GNS: variants seen among roughly 807,000 people sequenced by gnomAD.
The protein encoded by GNS is N-acetylglucosamine-6-sulfatase.
In GNS, 40 loss-of-function variants were observed where a neutral mutation model predicts 69.7. The observed-to-expected ratio is 0.57, with a 90% CI of 0.45 to 0.75. The LOEUF (loss-of-function observed/expected upper bound fraction) is 0.75, where lower values mean the gene tolerates loss of function less well. Among genes scored for constraint, GNS ranks in the 30% least tolerant of loss-of-function variants. The probability of loss-of-function intolerance (pLI) is 0.00; values close to 1 mark genes in which losing one functional copy is unlikely to be tolerated. For synonymous variants in GNS, 243 were observed against 251.6 expected (o/e 0.97, Z 0.32); for missense variants, 565 against 685.5 (o/e 0.82, Z 1.96).
chr12:64,723,197 TG>T lies in GNS; in HGVS notation c.1201-85del, dbSNP rs1374276248. 1.3e-5 allele frequency: 11 copies of T among 859,070 alleles called. 1 individual carries two copies. The East Asian group carries it at 2.2e-4, about 17-fold the overall frequency. The allele number at this position is 859,070 out of a possible 1,614,324, so 53.2% of individuals were successfully genotyped here. A position where few individuals can be genotyped will look rare whatever the true frequency, so the allele number is the denominator to read the frequency against. On this transcript the variant is annotated intron_variant, in intron 10 of 13. Coordinates refer to ENST00000258145, the MANE Select transcript of GNS (RefSeq NM_002076.4). ...AAGTAATTGACTGCTAAAGGGGACCTGGGAGTCAAAAGTAATTGGACTGTTC... is the reference window on the plus strand; with the variant it reads ...AAGTAATTGACTGCTAAAGGGGACCTGGAGTCAAAAGTAATTGGACTGTTC...
At chr12:64,758,613 G>A (rs1870353697) in intron 1 of GNS, among the ~76,000 whole-genome samples, 1 of 152,072 alleles carries the variant, frequency 6.6e-6, no homozygotes, top group Admixed American at 6.5e-5. Context: ...GTGACACACC[G>A]CGCCCGGCCC....
chr12:64,728,689 A>G (rs1327702880), intron 10 of GNS, among the ~76,000 whole-genome samples: 1 of 152,162 alleles, frequency 6.6e-6, no homozygotes, highest in Non-Finnish European at 1.5e-5. Context: ...ATTTGGACTA[A>G]TGACTCTTTT....
chr12:64,718,371 T>C (rs1423101245), intron 13 of GNS, among the ~76,000 whole-genome samples: 2 of 152,252 alleles, frequency 1.3e-5, no homozygotes, highest in African/African-American at 2.4e-5. Flanking sequence ...GCTTCTAAAA[T>C]GTGAGGAAGA....
At chr12:64,741,300 A>G (rs926794601) in intron 6 of GNS, among the ~76,000 whole-genome samples, 2 of 151,708 alleles carry the variant, frequency 1.3e-5, no homozygotes, top group African/African-American at 2.4e-5. Flanking sequence ...TTGAGCCGAG[A>G]TCGCACTACT....
intron 1 of GNS, 124 bp downstream of exon 1, chr12:64,758,961 C>T (rs964123768): frequency 5.8e-6 from 5 of 855,854 alleles, no homozygotes; most frequent in Non-Finnish European, 9.7e-6. Flanking sequence ...GGTGGGAAAA[C>T]CAAACCTACC....
Position 64,723,171 on chromosome 12 carries a change from A to C in GNS, c.1201-58T>G, listed in dbSNP as rs997482310. On this transcript the variant is annotated intron_variant, in intron 10 of 13. Coordinates refer to ENST00000258145, the MANE Select transcript of GNS (RefSeq NM_002076.4). ...GCACATAGACTATGATAAAGATCACAAAGTAATTGACTGCTAAAGGGGACC... is the reference window on the plus strand; with the variant it reads ...GCACATAGACTATGATAAAGATCACCAAGTAATTGACTGCTAAAGGGGACC... 4 of 1,063,284 alleles carry C rather than the reference A, an allele frequency of 3.8e-6. No individual in the cohort carries two copies. The South Asian group carries it at 5.0e-5, about 13-fold the overall frequency. The allele number at this position is 1,063,284 out of a possible 1,614,324, so 65.9% of individuals were successfully genotyped here. A position where few individuals can be genotyped will look rare whatever the true frequency, so the allele number is the denominator to read the frequency against.
intron 10 of GNS, among the ~76,000 whole-genome samples, chr12:64,726,741 C>T (rs761052704): frequency 1.3e-5 from 2 of 152,104 alleles, no homozygotes; most frequent in Admixed American, 6.5e-5. Context: ...AGAGATCAGC[C>T]TGCCTTAGCC....
intron 1 of GNS, among the ~76,000 whole-genome samples, chr12:64,758,309 C>CT (rs139394351): frequency 0.016 from 1,105 of 67,376 alleles, 140 homozygotes; most frequent in Non-Finnish European, 0.022. Context: ...CACTTCAGGC[C>CT]TTTTTTTTTT....
intron 2 of GNS, among the ~76,000 whole-genome samples, chr12:64,751,978 GA>G (rs1309879602): frequency 7.5e-5 from 11 of 147,572 alleles, no homozygotes; most frequent in African/African-American, 2.5e-4. Flanking sequence ...AAAGAAGAAA[GA>G]AAAGAAAAAA....
chr12:64,742,907 T>C (rs1869791466), intron 6 of GNS, among the ~76,000 whole-genome samples: 2 of 152,174 alleles, frequency 1.3e-5, no homozygotes, highest in Non-Finnish European at 2.9e-5. Flanking sequence ...TTGGGAAAGA[T>C]GGCATTCTTT....
At position 64,732,153 on chromosome 12, in the gene GNS, A is replaced by ATTTTTTTTTTTTTTTTTTTTTTTTTTTTT. The variant is rs1210247666; in HGVS notation, c.1099-3097_1099-3096insAAAAAAAAAAAAAAAAAAAAAAAAAAAAA. Among the ~76,000 whole-genome samples, 2 of 88,722 alleles carry ATTTTTTTTTTTTTTTTTTTTTTTTTTTTT rather than the reference A, an allele frequency of 2.3e-5. 1 individual carries two copies. The allele number at this position is 88,722 out of a possible 152,430, so 58.2% of individuals were successfully genotyped here. ...AGGCACCTGCCACCACACCTGGCTAATTTTTTTTTTTTGTTGTTTTTTTTT... is the reference window on the plus strand; with the variant it reads ...AGGCACCTGCCACCACACCTGGCTAATTTTTTTTTTTTTTTTTTTTTTTTTTTTTTTTTTTTTTTTTGTTGTTTTTTTTT... On this transcript the variant is annotated intron_variant, in intron 9 of 13. Coordinates refer to ENST00000258145, the MANE Select transcript of GNS (RefSeq NM_002076.4).
chr12:64,734,679 T>A (rs1202619153), intron 9 of GNS, among the ~76,000 whole-genome samples: 1 of 152,222 alleles, frequency 6.6e-6, no homozygotes, highest in Non-Finnish European at 1.5e-5. Context: ...CTCAGGACAC[T>A]CTTCCCACAG....
intron 9 of GNS, among the ~76,000 whole-genome samples, chr12:64,731,467 G>A (rs969506223): frequency 1.3e-5 from 2 of 152,162 alleles, no homozygotes; most frequent in African/African-American, 4.8e-5. Context: ...CACAAGTACC[G>A]TAAGCACAAG....
intron 13 of GNS, among the ~76,000 whole-genome samples, chr12:64,719,149 A>G (rs1004146101): frequency 6.6e-6 from 1 of 152,242 alleles, no homozygotes; most frequent in Non-Finnish European, 1.5e-5. Context: ...AAAGCAAACA[A>G]TGAACAGTCT....
At chr12:64,747,973 C>A in intron 2 of GNS, 55 bp from the exon 3 acceptor site, 2 of 935,030 alleles carry the variant, frequency 2.1e-6, no homozygotes, top group South Asian at 2.6e-5. Flanking sequence ...ATGGACTTCT[C>A]ATCATTGTTA....
chr12:64,730,381 C>A (rs990606531), intron 9 of GNS, among the ~76,000 whole-genome samples: 2 of 148,608 alleles, frequency 1.3e-5, no homozygotes, highest in Non-Finnish European at 3.0e-5. Context: ...AAAAACACCC[C>A]AGCCCTGCCA....
At chr12:64,756,705 C>T (rs2620733) in intron 1 of GNS, 886,998 of 1,434,206 alleles carry the variant, frequency 0.62, 281,062 homozygotes, top group African/African-American at 0.91. Context: ...TGCTCTTGTC[C>T]TAGCTCTTCC....
chr12:64,748,778 T>C (rs555267033), intron 2 of GNS, among the ~76,000 whole-genome samples: 1 of 152,192 alleles, frequency 6.6e-6, no homozygotes, highest in African/African-American at 2.4e-5. Flanking sequence ...CACAGAAAGG[T>C]AATACTAGCT....
At chr12:64,733,297 CAAAAAAAAAA>C (rs961321163) in intron 9 of GNS, among the ~76,000 whole-genome samples, 53 of 26,642 alleles carry the variant, frequency 2.0e-3, no homozygotes, top group African/African-American at 5.8e-3. Flanking sequence ...GACCCTGTCT[CAAAAAAAAAA>C]AAAAAAAAAA....
Sources: gnomAD v4.1 joint callset for allele counts (sites outside exome capture counted in the v4.1 genomes callset) on GRCh38, gnomAD v4.1.1 for gene constraint, MANE v1.5 for transcripts, NCBI Gene and HGNC (gene_info 2026-07-23, HGNC 2026-07-21) for gene names.